Variants in XAF1 observed in about 807,000 individuals in gnomAD.
The protein encoded by XAF1 is XIAP associated factor 1.
In XAF1, 32 loss-of-function variants were observed where a neutral mutation model predicts 32.3. That is an observed-to-expected ratio of 0.99 (90% CI 0.75 to 1.33). The LOEUF is 1.33. Among genes scored for constraint, XAF1 ranks in the 40% most tolerant of loss-of-function variants. The pLI, the probability that XAF1 is intolerant of heterozygous loss-of-function variation, is 0.00. For missense variants in XAF1, 379 were observed against 366.0 expected (o/e 1.04, Z -0.29); for synonymous variants, 120 against 125.9 (o/e 0.95, Z 0.31).
chr17:6,769,035 A>T (rs1221865055), intron 5 of XAF1, among the ~76,000 whole-genome samples: 2 of 105,626 alleles, frequency 1.9e-5, no homozygotes, highest in African/African-American at 6.0e-5. Flanking sequence ...TAGCTTCATG[A>T]CTCTCTTTTT....
In XAF1 at chr17:6,756,128, C is replaced by A; in HGVS notation, c.32+18C>A. ...AGGAACTGGTAAGAAAGTGCTTTCT[C>A]CAGCGGCAGACCCGGGCTGGCGAGG... On this transcript the variant is annotated intron_variant, in intron 1 of 6. Coordinates refer to ENST00000361842, the MANE Select transcript of XAF1 (RefSeq NM_017523.5). 1 of 1,613,954 alleles carries A rather than the reference C, an allele frequency of 6.2e-7. No homozygotes were observed. The highest frequency in any genetic ancestry group is 8.5e-7 in the Non-Finnish European group (1 of 1,179,970).
At chr17:6,766,562 A>G (rs1298648620) in intron 5 of XAF1, among the ~76,000 whole-genome samples, 1 of 152,194 alleles carries the variant, frequency 6.6e-6, no homozygotes, top group Admixed American at 6.5e-5. Flanking sequence ...CATCCTTCCA[A>G]TGTATTGATT....
intron 5 of XAF1, among the ~76,000 whole-genome samples, chr17:6,764,073 C>A (rs1975416257): frequency 6.6e-6 from 1 of 152,220 alleles, no homozygotes; most frequent in Non-Finnish European, 1.5e-5. Flanking sequence ...CTCCAATACA[C>A]ATGGAACTGG....
At position 6,768,187 on chromosome 17, in the gene XAF1, G is replaced by A. The variant is rs574097188; in HGVS notation, c.508-2456G>A. The stretch of plus-strand genomic sequence containing the variant: ...TGCCTGGGCTTGAGTGCAGTGGCAC[G>A]ATCTTGGCTCACTGCAGCCTTCGCC... On this transcript the variant is annotated intron_variant, in intron 5 of 6. Transcript: ENST00000361842. 1.5e-4 allele frequency among the ~76,000 whole-genome samples: 22 copies of A among 151,448 alleles called. No individual in the cohort carries two copies. In the South Asian group the frequency reaches 2.9e-3, roughly 20 times the overall value.
intron 4 of XAF1, chr17:6,761,623 A>G (rs990033178): frequency 3.8e-5 from 12 of 318,172 alleles, no homozygotes; most frequent in African/African-American, 2.4e-4. Flanking sequence ...AAACTGGCCA[A>G]TGGAAACCTG....
At chr17:6,759,118 C>A in intron 2 of XAF1, 2 of 1,014,978 alleles carry the variant, frequency 2.0e-6, no homozygotes, top group South Asian at 3.7e-5. Flanking sequence ...GTCCCCCAGG[C>A]AGAGACTCAC....
At chr17:6,770,307 C>A (rs1975922169) in intron 5 of XAF1, among the ~76,000 whole-genome samples, 1 of 152,148 alleles carries the variant, frequency 6.6e-6, no homozygotes, top group African/African-American at 2.4e-5. Flanking sequence ...TTCATGAATC[C>A]TCTTTTATAA....
chr17:6,769,640 T>A (rs1975872291), intron 5 of XAF1, among the ~76,000 whole-genome samples: 1 of 152,210 alleles, frequency 6.6e-6, no homozygotes, highest in Non-Finnish European at 1.5e-5. Flanking sequence ...GATTGTGAGT[T>A]TCTATCTGGT....
At position 6,774,317 on chromosome 17, in the gene XAF1, A is replaced by G. The variant is rs1976273906; in HGVS notation, c.*1148A>G. 6.6e-6 allele frequency: 1 copy of G among 152,228 alleles called. No individual in the cohort carries two copies. Among genetic ancestry groups the G allele is most frequent in the African/African-American group, 2.4e-5 (1 of 41,458 alleles). The allele number at this position is 152,228 out of a possible 1,614,324, so 9.4% of individuals were successfully genotyped here. On this transcript the variant is annotated 3_prime_UTR_variant, in exon 7 of 7. Coordinates refer to ENST00000361842, the MANE Select transcript of XAF1 (RefSeq NM_017523.5). Reference sequence around the variant, plus strand: ...AAGTTGACAAAAATACGCAATGGGGAAAGAATTCCCCATTCAGTAAGTGGT... The same window carrying G: ...AAGTTGACAAAAATACGCAATGGGGGAAGAATTCCCCATTCAGTAAGTGGT...
chr17:6,770,137 C>T (rs995837446), intron 5 of XAF1, among the ~76,000 whole-genome samples: 1 of 152,172 alleles, frequency 6.6e-6, no homozygotes, highest in African/African-American at 2.4e-5. Flanking sequence ...AACAGGATGC[C>T]ACAGACAGAG....
chr17:6,760,411 T>C lies in XAF1; in HGVS notation c.231T>C (p.Asn77=), dbSNP rs758587630. ...CTTCCTGCTGCCTCCCACAGGCCAA[T>C]GAGTGCCAGGAGCGCCCTGTTGAGT... ...QKSSLEFHKA[N]ECQERPVECK... is the part of the protein sequence containing the mutation. Residue 77 remains asparagine (N), a synonymous_variant, in exon 4 of 7, where the codon AAT becomes AAC. Coordinates refer to ENST00000361842, the MANE Select transcript of XAF1 (RefSeq NM_017523.5). 1 of 1,601,346 alleles carries C rather than the reference T, an allele frequency of 6.2e-7. No individual in the cohort carries two copies. Among genetic ancestry groups the C allele is most frequent in the East Asian group, 2.3e-5 (1 of 44,018 alleles).
At chr17:6,769,049 C>T (rs1459662043) in intron 5 of XAF1, among the ~76,000 whole-genome samples, 2 of 141,950 alleles carry the variant, frequency 1.4e-5, no homozygotes, top group African/African-American at 2.7e-5. Flanking sequence ...TCTTTTTTTT[C>T]ATGACTCTCC....
chr17:6,772,656 G>C (rs1976138224), intron 6 of XAF1, among the ~76,000 whole-genome samples: 1 of 151,894 alleles, frequency 6.6e-6, no homozygotes, highest in Non-Finnish European at 1.5e-5. Context: ...TTTTAGTACA[G>C]ATGGGGTTTC....
Position 6,773,881 on chromosome 17 carries a change from A to C in XAF1, c.*712A>C, listed in dbSNP as rs1976237022. The C allele has an allele frequency of 6.6e-6, 1 of 152,184 alleles. No homozygotes were observed. Among genetic ancestry groups the C allele is most frequent in the African/African-American group, 2.4e-5 (1 of 41,434 alleles). The allele number at this position is 152,184 out of a possible 1,614,324, so 9.4% of individuals were successfully genotyped here. ...ATCTCTACAACAAAAATTACAAAAC[A>C]CTGCTGAAAGAAATCAGAGATGACA... is the stretch of plus-strand genomic sequence containing the variant. On this transcript the variant is annotated 3_prime_UTR_variant, in exon 7 of 7. Transcript: ENST00000361842.
At chr17:6,757,744 A>G (rs1974803016) in intron 1 of XAF1, among the ~76,000 whole-genome samples, 1 of 137,032 alleles carries the variant, frequency 7.3e-6, no homozygotes, top group Admixed American at 7.2e-5. Flanking sequence ...GTTTTGGCCT[A>G]AGTTATATAC....
intron 1 of XAF1, among the ~76,000 whole-genome samples, chr17:6,756,507 CCCTCCTTGGAAAGGGAG>C (rs1432789387): frequency 4.0e-5 from 6 of 151,844 alleles, no homozygotes; most frequent in Non-Finnish European, 8.8e-5. Flanking sequence ...ACTACTCTCA[CCCTCCTTGGAAAGGGAG>C]CCGTGGGGCG....
chr17:6,769,125 A>G (rs1975831508), intron 5 of XAF1, among the ~76,000 whole-genome samples: 1 of 146,606 alleles, frequency 6.8e-6, no homozygotes, highest in Non-Finnish European at 1.5e-5. Context: ...CTCTATTTCT[A>G]TCTCTTATAT....
intron 5 of XAF1, among the ~76,000 whole-genome samples, chr17:6,767,043 T>C (rs1002025145): frequency 6.6e-6 from 1 of 152,180 alleles, no homozygotes; most frequent in Non-Finnish European, 1.5e-5. Context: ...TGTCTGAAAA[T>C]GAAAGCTTGG....
intron 6 of XAF1, chr17:6,772,909 A>T: frequency 4.0e-6 from 2 of 494,960 alleles, no homozygotes; most frequent in South Asian, 6.0e-5. Context: ...CCACCCAGTG[A>T]TAGCAACAGG....
Sources: allele counts gnomAD v4.1 joint callset (sites outside exome capture counted in the v4.1 genomes callset), GRCh38; gene constraint gnomAD v4.1.1; transcripts MANE v1.5; gene names NCBI Gene and HGNC (gene_info 2026-07-23, HGNC 2026-07-21).